Variants in ZNF8 observed in about 807,000 individuals in gnomAD.
ZNF8 encodes the protein zinc finger protein 8, also known as zinc finger protein 272.
ZNF8 carries 9 observed loss-of-function variants against 12.2 expected under a neutral mutation model. That is an observed-to-expected ratio of 0.73 (90% CI 0.44 to 1.28). The LOEUF is 1.28. Among genes scored for constraint, ZNF8 ranks in the 50% most tolerant of loss-of-function variants. The pLI is 0.00. For missense variants in ZNF8, 664 were observed against 729.1 expected, an observed-to-expected ratio of 0.91 and a Z score of 1.03; for synonymous variants, 274 against 282.3, an observed-to-expected ratio of 0.97 and a Z score of 0.30.
chr19:58,280,141 A>T, intron 1 of ZNF8: 1 of 314,190 alleles, frequency 3.2e-6, no homozygotes, highest in South Asian at 2.5e-5. Flanking sequence ...ACAACAATAA[A>T]TATCTCACGA....
intron 3 of ZNF8, among the ~76,000 whole-genome samples, chr19:58,292,844 C>T (rs2051428291): frequency 6.6e-6 from 1 of 151,810 alleles, no homozygotes. Context: ...GTTGTTTCTA[C>T]TTTTGGCTAT....
chr19:58,291,378 G>A (rs1288880464), intron 3 of ZNF8, among the ~76,000 whole-genome samples: 1 of 152,222 alleles, frequency 6.6e-6, no homozygotes, highest in Non-Finnish European at 1.5e-5. Flanking sequence ...CTCAACCTCA[G>A]TGCTCTTTGC....
At chr19:58,287,781 A>G (rs946756157) in intron 3 of ZNF8, among the ~76,000 whole-genome samples, 3 of 148,226 alleles carry the variant, frequency 2.0e-5, no homozygotes, top group Non-Finnish European at 4.5e-5. Context: ...GTGTACCACC[A>G]TGTCCAGCTG....
chr19:58,281,862 C>T (rs1218604769), intron 1 of ZNF8, among the ~76,000 whole-genome samples: 1 of 152,124 alleles, frequency 6.6e-6, no homozygotes, highest in African/African-American at 2.4e-5. Context: ...CCTGTAATCC[C>T]AGCACTTTGA....
chr19:58,292,498 T>A (rs2051425753), intron 3 of ZNF8, among the ~76,000 whole-genome samples: 1 of 152,200 alleles, frequency 6.6e-6, no homozygotes, highest in African/African-American at 2.4e-5. Flanking sequence ...CCCAAAGGCC[T>A]CATCTCCAAA....
rs963470575 is a variant in ZNF8 at position 58,302,190 on chromosome 19, C to T, written c.*6654C>T. On this transcript the variant is annotated 3_prime_UTR_variant, in exon 4 of 4. Transcript: ENST00000621650. ...GATATTTTGAAACAGATAAGAAACTCCTCCGTGGAAATTACTGTTAACTAG... is the reference window on the plus strand; with the variant it reads ...GATATTTTGAAACAGATAAGAAACTTCTCCGTGGAAATTACTGTTAACTAG... The T allele has an allele frequency of 6.6e-6, 1 of 152,004 alleles. No homozygotes were observed. Among genetic ancestry groups the T allele is most frequent in the Non-Finnish European group, 1.5e-5 (1 of 68,014 alleles). The allele number at this position is 152,004 out of a possible 1,614,324, so 9.4% of individuals were successfully genotyped here.
rs775877918 is a variant in ZNF8, at chr19:58,282,632, A to AT, written c.67-3072dup. ...TAGCTCTTACTTTTAATTTAATTTA[A>AT]TTTTTTTTTTTTTGAGATGGAGTCT... On this transcript the variant is annotated intron_variant, in intron 1 of 3. Coordinates refer to ENST00000621650, the MANE Select transcript of ZNF8 (RefSeq NM_021089.3). Among the ~76,000 whole-genome samples the AT allele has an allele frequency of 3.5e-3, 524 of 147,850 alleles. 3 individuals are homozygous for AT. The highest frequency in any genetic ancestry group is 3.9e-3 in the Admixed American group (58 of 14,758).
At chr19:58,287,337 C>CCTTT (rs2051389755) in intron 3 of ZNF8, among the ~76,000 whole-genome samples, 1 of 117,806 alleles carries the variant, frequency 8.5e-6, no homozygotes, top group African/African-American at 3.3e-5. Flanking sequence ...CCATGCCCAG[C>CCTTT]TTTTTTTTTT....
chr19:58,290,321 G>T (rs550471), intron 3 of ZNF8, among the ~76,000 whole-genome samples: 1 of 148,754 alleles, frequency 6.7e-6, no homozygotes, highest in Non-Finnish European at 1.5e-5. Context: ...TCACCGTGTT[G>T]GCCAGGATGG....
chr19:58,281,907 GT>G (rs2051352600), intron 1 of ZNF8, among the ~76,000 whole-genome samples: 1 of 152,190 alleles, frequency 6.6e-6, no homozygotes, highest in South Asian at 2.1e-4. Flanking sequence ...CAGGTTAGGA[GT>G]TCAAGACCAG....
At chr19:58,280,815 A>G (rs1241210575) in intron 1 of ZNF8, among the ~76,000 whole-genome samples, 2 of 152,104 alleles carry the variant, frequency 1.3e-5, no homozygotes, top group African/African-American at 4.8e-5. Flanking sequence ...AGAGGTACAG[A>G]CCTTCTATTC....
intron 1 of ZNF8, among the ~76,000 whole-genome samples, chr19:58,283,156 G>A (rs1280067980): frequency 6.6e-6 from 1 of 151,274 alleles, no homozygotes; most frequent in Admixed American, 6.6e-5. Flanking sequence ...TTTTTTTGTA[G>A]AGGCAGGGTT....
In ZNF8 at chr19:58,290,328, A is replaced by T. The variant is rs184484293; in HGVS notation, c.290-3770A>T. Among the ~76,000 whole-genome samples, 547 of 148,644 alleles carry T rather than the reference A, an allele frequency of 3.7e-3. 4 individuals carry two copies. Among genetic ancestry groups the T allele is most frequent in the African/African-American group, 0.012 (478 of 40,312 alleles). ...ACGGGGTTTCACCGTGTTGGCCAGG[A>T]TGGTCTCTATCTCCTGACCTCGTGA... On this transcript the variant is annotated intron_variant, in intron 3 of 3. Transcript: ENST00000621650.
At chr19:58,281,475 C>G (rs58538767) in intron 1 of ZNF8, among the ~76,000 whole-genome samples, 2,826 of 152,198 alleles carry the variant, frequency 0.019, 83 homozygotes, top group African/African-American at 0.063. Flanking sequence ...AGAAGGAAGC[C>G]AAGAGGAGGC....
rs1166041360 is a variant in ZNF8 at position 58,302,325 on chromosome 19, A to T, written c.*6789A>T. The T allele has an allele frequency of 6.6e-6, 1 of 152,188 alleles. No homozygotes were observed. Among genetic ancestry groups the T allele is most frequent in the Non-Finnish European group, 1.5e-5 (1 of 68,036 alleles). 9.4% of individuals were successfully genotyped at this position (152,188 alleles called of 1,614,324 possible). A position where few individuals can be genotyped will look rare whatever the true frequency, so the allele number is the denominator to read the frequency against. On this transcript the variant is annotated 3_prime_UTR_variant, in exon 4 of 4. Coordinates refer to ENST00000621650, the MANE Select transcript of ZNF8 (RefSeq NM_021089.3). ...AATGAAAACTTGTGTAAAATTCCTC[A>T]TACTTTAGCCATCCATAGATGGTCC...
intron 1 of ZNF8, among the ~76,000 whole-genome samples, chr19:58,284,301 A>G (rs373943224): frequency 6.6e-6 from 1 of 152,244 alleles, no homozygotes; most frequent in Non-Finnish European, 1.5e-5. Flanking sequence ...GACAGGGACT[A>G]TCTTTACTCT....
chr19:58,302,083 G>T lies in ZNF8; in HGVS notation c.*6547G>T, dbSNP rs2051494626. On this transcript the variant is annotated 3_prime_UTR_variant, in exon 4 of 4. Coordinates refer to ENST00000621650, the MANE Select transcript of ZNF8 (RefSeq NM_021089.3). ...CTTATCGAAATGCTTGGGACCAGAA[G>T]TGTTTCAGATCTTTGCATATTTTCT... 6.6e-6 allele frequency: 1 copy of T among 152,112 alleles called. No homozygotes were observed. The allele number at this position is 152,112 out of a possible 1,614,324, so 9.4% of individuals were successfully genotyped here.
Position 58,300,289 on chromosome 19 carries a change from A to G in ZNF8, c.*4753A>G, listed in dbSNP as rs1244160425. The stretch of plus-strand genomic sequence containing the variant: ...TCAAAGGCTGTCTTTTCAGTGGCTC[A>G]GCTGTGTCACAGTCGATGTTTTCTG... On this transcript the variant is annotated 3_prime_UTR_variant, in exon 4 of 4. Coordinates refer to ENST00000621650, the MANE Select transcript of ZNF8 (RefSeq NM_021089.3). 1 of 152,246 alleles carries G rather than the reference A, an allele frequency of 6.6e-6. No homozygotes were observed. The highest frequency in any genetic ancestry group is 2.4e-5 in the African/African-American group (1 of 41,460). The allele number at this position is 152,246 out of a possible 1,614,324, so 9.4% of individuals were successfully genotyped here.
Position 58,295,412 on chromosome 19 carries a change from G to A in ZNF8, c.1604G>A (p.Ser535Asn), listed in dbSNP as rs1161487880. The A allele has an allele frequency of 1.2e-6, 2 of 1,614,028 alleles. No homozygotes were observed. The highest frequency in any genetic ancestry group is 3.3e-5 in the Admixed American group (2 of 60,004). ...GGAGCAAAGGCAGGGCAGCCGGAAA[G>A]CAGAGCCCTGGCTTTGTTTGACATC... ...AGGAKAGQPE[S>N]RALALFDIQK... The change falls in exon 4 of 4, where the codon AGC becomes AAC. Residue 535 changes from serine (S) to asparagine (N), a missense_variant. Physicochemically the swap from Ser to Asn is conservative, Grantham distance 46. This residue lies in a region of ZNF8 where 225 missense variants were observed against 222.0 expected (regional missense o/e 1.01). Coordinates refer to ENST00000621650, the MANE Select transcript of ZNF8 (RefSeq NM_021089.3).
Sources: allele counts gnomAD v4.1 joint callset (sites outside exome capture counted in the v4.1 genomes callset), GRCh38; gene constraint gnomAD v4.1.1; regional missense constraint gnomAD v4.1.1; transcripts MANE v1.5; gene names NCBI Gene and HGNC (gene_info 2026-07-23, HGNC 2026-07-21).